The following LYPD6 variants were observed in gnomAD, a reference collection of about 807,000 sequenced individuals.
LYPD6 encodes ly6/PLAUR domain-containing protein 6.
In LYPD6, 15 loss-of-function variants were observed where a neutral mutation model predicts 22.7. The observed-to-expected ratio is 0.66, with a 90% CI of 0.44 to 1.02. LYPD6 has a LOEUF of 1.02. Among genes scored for constraint, LYPD6 ranks in the 50% least tolerant of loss-of-function variants. LYPD6 has a pLI of 0.00. For synonymous variants in LYPD6, 72 were observed against 77.5 expected (o/e 0.93, Z 0.37); for missense variants, 189 against 208.4 (o/e 0.91, Z 0.57).
the LYPD6 span, among the ~76,000 whole-genome samples, chr2:149,482,066 T>C: frequency 2.6e-5 from 4 of 152,272 alleles, no homozygotes; most frequent in African/African-American, 7.2e-5. Context: ...GAGATGCAAA[T>C]TGTACTGATC....
chr2:149,417,029 GCAATGCTGGCTGGGGC>G (rs1682979623), intron 1 of LYPD6, among the ~76,000 whole-genome samples: 1 of 152,166 alleles, frequency 6.6e-6, no homozygotes, highest in South Asian at 2.1e-4. Flanking sequence ...CCCCCAGGTA[GCAATGCTGGCTGGGGC>G]TCTGCTGGGT....
At chr2:149,393,537 T>G (rs1003380162) in intron 1 of LYPD6, among the ~76,000 whole-genome samples, 1 of 152,146 alleles carries the variant, frequency 6.6e-6, no homozygotes, top group Non-Finnish European at 1.5e-5. Flanking sequence ...CCCACTGAGT[T>G]AGGGGGCATA....
chr2:149,468,822 T>C (rs1558819011), intron 4 of LYPD6, 47 bp downstream of exon 4: 1 of 1,601,926 alleles, frequency 6.2e-7, no homozygotes, highest in East Asian at 2.2e-5. Flanking sequence ...CCAGCTGCCT[T>C]CTCTTCAGAC....
chr2:149,473,492 A>G lies in LYPD6; in HGVS notation c.*2642A>G, dbSNP rs1573838316. The G allele has an allele frequency of 6.6e-6, 1 of 152,628 alleles. No homozygotes were observed. Among genetic ancestry groups the G allele is most frequent in the Non-Finnish European group, 1.5e-5 (1 of 68,028 alleles). 9.5% of individuals were successfully genotyped at this position (152,628 alleles called of 1,614,324 possible). A position where few individuals can be genotyped will look rare whatever the true frequency, so the allele number is the denominator to read the frequency against. ...AATGGCTTAAGTGTAAAGAGCCATG[A>G]TGTGTATATTAAGCTATGTGCCACA... On this transcript the variant is annotated 3_prime_UTR_variant, in exon 5 of 5. Transcript: ENST00000334166.
At chr2:149,346,670 T>C (rs1412218072) in intron 1 of LYPD6, among the ~76,000 whole-genome samples, 2 of 152,222 alleles carry the variant, frequency 1.3e-5, no homozygotes, top group Non-Finnish European at 2.9e-5. Flanking sequence ...TCAGACTTAC[T>C]GACTAGTAAG....
intron 1 of LYPD6, among the ~76,000 whole-genome samples, chr2:149,386,548 C>T (rs1023196945): frequency 2.2e-4 from 33 of 152,108 alleles, no homozygotes; most frequent in African/African-American, 6.0e-4. Flanking sequence ...CCATGAGAGC[C>T]GTGCATGTAG....
At chr2:149,437,477 T>A (rs1472614721) in intron 1 of LYPD6, among the ~76,000 whole-genome samples, 161 bp from the exon 2 acceptor site, 1 of 152,192 alleles carries the variant, frequency 6.6e-6, no homozygotes, top group Non-Finnish European at 1.5e-5. Context: ...TGGAATGTTC[T>A]CAGTGCTCTA....
At chr2:149,435,032 C>T (rs898519985) in intron 1 of LYPD6, among the ~76,000 whole-genome samples, 2 of 152,136 alleles carry the variant, frequency 1.3e-5, no homozygotes, top group Non-Finnish European at 2.9e-5. Flanking sequence ...GAGATTGAGC[C>T]TTTAAGGAGG....
At chr2:149,391,370 C>G (rs897487644) in intron 1 of LYPD6, among the ~76,000 whole-genome samples, 1 of 151,378 alleles carries the variant, frequency 6.6e-6, no homozygotes, top group Non-Finnish European at 1.5e-5. Flanking sequence ...TCCCTTTTTT[C>G]CCCCCCGATA....
chr2:149,366,587 G>T (rs189410909), intron 1 of LYPD6, among the ~76,000 whole-genome samples: 16 of 152,284 alleles, frequency 1.1e-4, no homozygotes, highest in Admixed American at 2.6e-4. Context: ...ACTGGGGGAG[G>T]TGCACTTGCA....
chr2:149,343,916 A>G (rs1316064190), intron 1 of LYPD6, among the ~76,000 whole-genome samples: 1 of 152,182 alleles, frequency 6.6e-6, no homozygotes, highest in Non-Finnish European at 1.5e-5. Flanking sequence ...TGGATTAAAA[A>G]TGTTTTTGTT....
At chr2:149,330,575 C>T (rs1233240113), upstream of LYPD6, 3 of 151,286 alleles carry the variant, frequency 2.0e-5, no homozygotes, top group South Asian at 2.1e-4. Context: ...CCGCCTCTCC[C>T]CGCTGCGCTC....
At chr2:149,460,053 A>T (rs1681053236) in intron 3 of LYPD6, among the ~76,000 whole-genome samples, 1 of 152,192 alleles carries the variant, frequency 6.6e-6, no homozygotes, top group African/African-American at 2.4e-5. Flanking sequence ...CAACAATTTT[A>T]AAAAGAGATA....
At chr2:149,443,927 TATC>T in intron 2 of LYPD6, among the ~76,000 whole-genome samples, 1 of 146,268 alleles carries the variant, frequency 6.8e-6, no homozygotes, top group Non-Finnish European at 1.5e-5. Context: ...ACAATGTGCA[TATC>T]TTTTTTTTTT....
chr2:149,436,654 ACTGCAACCT>A (rs896002667), intron 1 of LYPD6, among the ~76,000 whole-genome samples: 1 of 152,026 alleles, frequency 6.6e-6, no homozygotes, highest in African/African-American at 2.4e-5. Context: ...AAGTCAGCTC[ACTGCAACCT>A]CTGCCTCCCA....
the LYPD6 span, among the ~76,000 whole-genome samples, chr2:149,479,585 G>T: frequency 6.6e-6 from 1 of 152,092 alleles, no homozygotes; most frequent in Admixed American, 6.6e-5. Context: ...TGGTTGTGTG[G>T]ACCAGAAACC....
chr2:149,363,408 C>G (rs540006781), intron 1 of LYPD6, among the ~76,000 whole-genome samples: 1 of 152,320 alleles, frequency 6.6e-6, no homozygotes, highest in African/African-American at 2.4e-5. Context: ...CCCCCAATCA[C>G]ACTACCCAAT....
At chr2:149,411,369 T>A (rs1682846655) in intron 1 of LYPD6, among the ~76,000 whole-genome samples, 1 of 152,212 alleles carries the variant, frequency 6.6e-6, no homozygotes, top group Non-Finnish European at 1.5e-5. Context: ...TCACTCGTCA[T>A]GTTTCCATTT....
chr2:149,394,773 TACTC>T (rs1401945387), intron 1 of LYPD6, among the ~76,000 whole-genome samples: 4 of 152,200 alleles, frequency 2.6e-5, no homozygotes, highest in African/African-American at 9.7e-5. Flanking sequence ...CTTCCGTTGA[TACTC>T]ACTCCCTGCT....
Sources: allele counts gnomAD v4.1 joint callset (sites outside exome capture counted in the v4.1 genomes callset), GRCh38; gene constraint gnomAD v4.1.1; transcripts MANE v1.5; gene names NCBI Gene and HGNC (gene_info 2026-07-23, HGNC 2026-07-21).